The following MKLN1 variants were observed in gnomAD, a reference collection of about 807,000 sequenced individuals.
The protein encoded by MKLN1 is muskelin 1, also known as muskelin.
A neutral mutation model predicts 99.0 loss-of-function variants in MKLN1; 18 were observed. The ratio of observed to expected loss-of-function variants is 0.18; its 90% CI spans 0.13 to 0.27. The LOEUF (loss-of-function observed/expected upper bound fraction) is 0.27. Among genes scored for constraint, MKLN1 ranks in the 10% least tolerant of loss-of-function variants. The pLI is 1.00. For missense variants in MKLN1, 621 were observed against 875.9 expected, an observed-to-expected ratio of 0.71 and a Z score of 3.67; for synonymous variants, 288 against 293.2, an observed-to-expected ratio of 0.98 and a Z score of 0.18.
At chr7:131,198,763 A>T (rs563841429) in intron 2 of MKLN1, among the ~76,000 whole-genome samples, 23 of 152,174 alleles carry the variant, frequency 1.5e-4, no homozygotes, top group African/African-American at 5.3e-4. Flanking sequence ...CATGAATTAT[A>T]AAAAAAATTC....
intron 5 of MKLN1, 22 bp downstream of exon 5, chr7:131,397,398 T>C: frequency 1.6e-6 from 2 of 1,257,374 alleles, no homozygotes; most frequent in Non-Finnish European, 2.3e-6. Context: ...TTTTAAATCC[T>C]GACTTTAATG....
chr7:131,296,357 CA>C (rs1798291448), intron 3 of MKLN1, among the ~76,000 whole-genome samples: 1 of 152,062 alleles, frequency 6.6e-6, no homozygotes, highest in Admixed American at 6.5e-5. Flanking sequence ...ATGAACAAAG[CA>C]AGGTATAGGA....
Position 131,157,701 on chromosome 7 carries a change from T to C in MKLN1, c.-297+14760T>C, listed in dbSNP as rs115473663. Among the ~76,000 whole-genome samples the C allele has an allele frequency of 6.8e-3, 1,035 of 152,232 alleles. 16 individuals are homozygous for C. The highest frequency in any genetic ancestry group is 0.023 in the African/African-American group (973 of 41,546). ...AAAAGCTCCTGAAAAGGATAATACA[T>C]TACCCGAGAAGCTGGTGACTCATCA... On this transcript the variant is annotated intron_variant, in intron 2 of 7. Coordinates refer to the MKLN1 transcript ENST00000416992.
At chr7:131,455,464 A>G (rs1362252543) in intron 12 of MKLN1, among the ~76,000 whole-genome samples, 2 of 152,242 alleles carry the variant, frequency 1.3e-5, no homozygotes, top group Non-Finnish European at 2.9e-5. Context: ...GTAACTTCCT[A>G]AAACAATTAT....
upstream of MKLN1, among the ~76,000 whole-genome samples, chr7:131,322,923 G>C (rs891117689): frequency 5.3e-5 from 8 of 152,132 alleles, no homozygotes; most frequent in African/African-American, 1.9e-4. Flanking sequence ...TCCCTATCAT[G>C]AAAACAGCAT....
intron 3 of MKLN1, among the ~76,000 whole-genome samples, chr7:131,221,050 C>T (rs1797052586): frequency 6.6e-6 from 1 of 152,156 alleles, no homozygotes; most frequent in African/African-American, 2.4e-5. Flanking sequence ...CATGTTAATC[C>T]ATCTGCCTCA....
chr7:131,450,635 A>G lies in MKLN1; in HGVS notation c.1525+4732A>G, dbSNP rs922100035. Reference sequence around the variant, plus strand: ...ACCACCGAATATTAAATCTTTATAGATAGTGTGTTTTAACTTGCCTTTGAG... The same window carrying G: ...ACCACCGAATATTAAATCTTTATAGGTAGTGTGTTTTAACTTGCCTTTGAG... On this transcript the variant is annotated intron_variant, in intron 12 of 17. Coordinates refer to ENST00000352689, the MANE Select transcript of MKLN1 (RefSeq NM_013255.5). 3.1e-4 allele frequency among the ~76,000 whole-genome samples: 47 copies of G among 152,090 alleles called. 1 individual carries two copies. The highest frequency in any genetic ancestry group is 2.9e-5 in the Non-Finnish European group (2 of 68,024).
rs116143461 is a variant in MKLN1 at position 131,484,119 on chromosome 7, G to A, written c.2087-3488G>A. On this transcript the variant is annotated intron_variant, in intron 17 of 17. Transcript: ENST00000352689. ...ACTAGATCAGTTGTATTCTTATGAA[G>A]TGATACATAATTATTCATAATAGGG... Among the ~76,000 whole-genome samples, 550 of 152,144 alleles carry A rather than the reference G, an allele frequency of 3.6e-3. 7 individuals carry two copies. The highest frequency in any genetic ancestry group is 0.013 in the African/African-American group (530 of 41,482).
chr7:131,247,872 T>TTTTTGTTTTGTTTGG (rs1797516261), intron 3 of MKLN1, among the ~76,000 whole-genome samples: 3 of 151,652 alleles, frequency 2.0e-5, no homozygotes, highest in African/African-American at 7.3e-5. Flanking sequence ...GCTACTGCCT[T>TTTTTGTTTTGTTTGG]TTTTGTTTTG....
At chr7:131,153,035 T>A (rs2028362) in intron 2 of MKLN1, among the ~76,000 whole-genome samples, 57,418 of 118,206 alleles carry the variant, frequency 0.49, 13,227 homozygotes, top group Non-Finnish European at 0.6. Flanking sequence ...ATATATATAT[T>A]TTTTTTTTTT....
At chr7:131,140,986 G>A (rs1333325385) in intron 1 of MKLN1, among the ~76,000 whole-genome samples, 1 of 151,996 alleles carries the variant, frequency 6.6e-6, no homozygotes, top group Non-Finnish European at 1.5e-5. Context: ...GGGCTTCACC[G>A]TGTTAGCCAG....
chr7:131,287,113 A>G (rs534291341), intron 3 of MKLN1, among the ~76,000 whole-genome samples: 2 of 152,202 alleles, frequency 1.3e-5, no homozygotes, highest in African/African-American at 4.8e-5. Flanking sequence ...TCTCAAAACA[A>G]AACAAAAAGT....
Position 131,320,975 on chromosome 7 carries a change from T to C in MKLN1, c.-178-54449T>C, listed in dbSNP as rs550557293. On this transcript the variant is annotated intron_variant, in intron 3 of 7. Coordinates refer to the MKLN1 transcript ENST00000416992. ...GGAGAAACAGGAATGCTTTTACACT[T>C]GTTGGTGAGAGTGTAAATTAATCCA... Among the ~76,000 whole-genome samples, 10 of 152,332 alleles carry C rather than the reference T, an allele frequency of 6.6e-5. 1 individual carries two copies. In the South Asian group the frequency reaches 2.1e-3, roughly 32 times the overall value.
At chr7:131,225,889 AAGGTATAAAC>A (rs1206353573) in intron 3 of MKLN1, among the ~76,000 whole-genome samples, 1 of 152,140 alleles carries the variant, frequency 6.6e-6, no homozygotes, top group African/African-American at 2.4e-5. Context: ...GAAGGGAAAA[AAGGTATAAAC>A]AGAGGAGCTA....
At chr7:131,378,419 G>T (rs1167433281) in intron 2 of MKLN1, among the ~76,000 whole-genome samples, 1 of 152,130 alleles carries the variant, frequency 6.6e-6, no homozygotes, top group Non-Finnish European at 1.5e-5. Flanking sequence ...GCCAGCATGG[G>T]TATAGTTTTC....
chr7:131,394,710 G>A lies in MKLN1; in HGVS notation c.401-2557G>A, dbSNP rs1273792420. Among the ~76,000 whole-genome samples, 3 of 151,946 alleles carry A rather than the reference G, an allele frequency of 2.0e-5. No individual in the cohort carries two copies. The East Asian group carries it at 5.8e-4, about 29-fold the overall frequency. On this transcript the variant is annotated intron_variant, in intron 4 of 17. Coordinates refer to ENST00000352689, the MANE Select transcript of MKLN1 (RefSeq NM_013255.5). The stretch of plus-strand genomic sequence containing the variant: ...ATTTTCCTTATTCAGTCGGATATTG[G>A]AAATCATTACGCCTGGTATCAGCTA...
chr7:131,442,314 G>A (rs545218217), intron 10 of MKLN1, among the ~76,000 whole-genome samples: 9 of 152,292 alleles, frequency 5.9e-5, no homozygotes, highest in African/African-American at 1.9e-4. Flanking sequence ...TTGGGAGGCC[G>A]AGGCAGGCGG....
At chr7:131,433,279 G>T (rs1177501709) in intron 9 of MKLN1, among the ~76,000 whole-genome samples, 1 of 152,050 alleles carries the variant, frequency 6.6e-6, no homozygotes, top group Non-Finnish European at 1.5e-5. Context: ...TCTTAGGATT[G>T]GATTTAGATG....
chr7:131,433,828 A>G (rs971625389), intron 9 of MKLN1, among the ~76,000 whole-genome samples: 1 of 152,078 alleles, frequency 6.6e-6, no homozygotes, highest in African/African-American at 2.4e-5. Flanking sequence ...TGGGAATATG[A>G]TAAATCTATA....
Sources: allele counts gnomAD v4.1 joint callset (sites outside exome capture counted in the v4.1 genomes callset), GRCh38; gene constraint gnomAD v4.1.1; transcripts MANE v1.5; gene names NCBI Gene and HGNC (gene_info 2026-07-23, HGNC 2026-07-21).